Variants in HYCC1 observed in about 807,000 individuals in gnomAD.
HYCC1 encodes hyccin.
chr7:22,991,674 T>C, the HYCC1 span, among the ~76,000 whole-genome samples: 4 of 152,142 alleles, frequency 2.6e-5, no homozygotes, highest in African/African-American at 9.7e-5. Flanking sequence ...ACAACAGTGA[T>C]GCAGAAGACT....
the HYCC1 span, among the ~76,000 whole-genome samples, chr7:22,902,299 T>C: frequency 6.6e-6 from 1 of 151,816 alleles, no homozygotes; most frequent in Non-Finnish European, 1.5e-5. Flanking sequence ...AAATGTATAG[T>C]TTTAAATGCT....
chr7:22,988,998 A>T, the HYCC1 span, among the ~76,000 whole-genome samples: 1 of 152,106 alleles, frequency 6.6e-6, no homozygotes, highest in African/African-American at 2.4e-5. Flanking sequence ...AAGGGAATAA[A>T]CAAACAGATG....
the HYCC1 span, among the ~76,000 whole-genome samples, chr7:22,914,862 T>C: frequency 6.6e-6 from 1 of 151,958 alleles, no homozygotes; most frequent in Non-Finnish European, 1.5e-5. Context: ...TTCTATCACC[T>C]CCCCTCCTTA....
the HYCC1 span, chr7:22,942,121 CATTTT>C: frequency 6.6e-6 from 1 of 152,026 alleles, no homozygotes; most frequent in African/African-American, 2.4e-5. Flanking sequence ...ACAGTTTTAA[CATTTT>C]AGTTTTATTC....
At chr7:22,986,386 C>T in the HYCC1 span, among the ~76,000 whole-genome samples, 2 of 152,092 alleles carry the variant, frequency 1.3e-5, no homozygotes, top group Non-Finnish European at 2.9e-5. Context: ...TCTAAAGGAG[C>T]CAAATGAATT....
the HYCC1 span, among the ~76,000 whole-genome samples, chr7:22,964,198 G>A: frequency 6.6e-6 from 1 of 152,022 alleles, no homozygotes; most frequent in African/African-American, 2.4e-5. Flanking sequence ...ATGATGAAGT[G>A]TTTTAGTTGG....
the HYCC1 span, chr7:22,937,355 C>T: frequency 2.0e-5 from 3 of 152,138 alleles, no homozygotes; most frequent in Non-Finnish European, 2.9e-5. Context: ...GCCTTTCCTA[C>T]GTTGTTTTCT....
the HYCC1 span, among the ~76,000 whole-genome samples, chr7:23,003,950 T>C: frequency 8.4e-4 from 128 of 152,204 alleles, no homozygotes; most frequent in African/African-American, 3.0e-3. Flanking sequence ...GTGGATATTA[T>C]GAATATAGTT....
the HYCC1 span, among the ~76,000 whole-genome samples, chr7:22,977,902 T>C: frequency 1.1e-4 from 16 of 152,336 alleles, no homozygotes; most frequent in African/African-American, 3.4e-4. Context: ...GCAACTATGA[T>C]TGGTGAATAT....
At chr7:22,930,721 A>C in the HYCC1 span, among the ~76,000 whole-genome samples, 1 of 152,166 alleles carries the variant, frequency 6.6e-6, no homozygotes, top group African/African-American at 2.4e-5. Flanking sequence ...TCAACAAAAT[A>C]CTAGCAAATC....
chr7:22,999,899 C>T, the HYCC1 span, among the ~76,000 whole-genome samples: 1 of 151,946 alleles, frequency 6.6e-6, no homozygotes, highest in Non-Finnish European at 1.5e-5. Flanking sequence ...ATTTTCTAGA[C>T]GAATAATTGC....
chr7:22,927,144 G>C, the HYCC1 span, among the ~76,000 whole-genome samples: 12 of 152,074 alleles, frequency 7.9e-5, no homozygotes, highest in Non-Finnish European at 1.8e-4. Context: ...CGAGAACAAA[G>C]ATACAACATA....
At chr7:22,952,306 T>C in the HYCC1 span, among the ~76,000 whole-genome samples, 11 of 152,002 alleles carry the variant, frequency 7.2e-5, no homozygotes, top group Admixed American at 6.6e-4. Flanking sequence ...GGAAAACCTC[T>C]TTGAAGAAGA....
At chr7:22,925,690 T>C in the HYCC1 span, among the ~76,000 whole-genome samples, 3 of 152,036 alleles carry the variant, frequency 2.0e-5, no homozygotes, top group African/African-American at 7.2e-5. Flanking sequence ...TGTGAAAAGA[T>C]CAAATCTACA....
the HYCC1 span, among the ~76,000 whole-genome samples, chr7:22,927,510 C>T: frequency 1.9e-3 from 292 of 152,248 alleles, 2 homozygotes; most frequent in African/African-American, 6.4e-3. Context: ...GATATCACCA[C>T]CAATCCCACA....
the HYCC1 span, among the ~76,000 whole-genome samples, chr7:22,969,697 T>C: frequency 2.0e-5 from 3 of 151,884 alleles, no homozygotes; most frequent in South Asian, 6.2e-4. Flanking sequence ...GCAATTTTTG[T>C]ATTTTTAGTA....
At chr7:22,908,775 G>A in the HYCC1 span, among the ~76,000 whole-genome samples, 29 of 152,192 alleles carry the variant, frequency 1.9e-4, no homozygotes, top group African/African-American at 6.8e-4. Flanking sequence ...TGATAAGAAT[G>A]ACTTTGTTTA....
chr7:22,968,676 T>C, the HYCC1 span, among the ~76,000 whole-genome samples: 1 of 152,138 alleles, frequency 6.6e-6, no homozygotes, highest in Non-Finnish European at 1.5e-5. Flanking sequence ...AAGTTCTTTC[T>C]GCTGAGGTCA....
the HYCC1 span, among the ~76,000 whole-genome samples, chr7:22,977,882 T>C: frequency 6.6e-6 from 1 of 152,220 alleles, no homozygotes; most frequent in Non-Finnish European, 1.5e-5. Context: ...GGAGACAGTC[T>C]AGATTTTATG....
Sources: gnomAD v4.1 joint callset for allele counts (sites outside exome capture counted in the v4.1 genomes callset) on GRCh38, gnomAD v4.1.1 for gene constraint, MANE v1.5 for transcripts, NCBI Gene and HGNC (gene_info 2026-07-23, HGNC 2026-07-21) for gene names.